AFTPH: variants seen among roughly 807,000 people sequenced by gnomAD.
AFTPH encodes aftiphilin protein.
In AFTPH, 7 loss-of-function variants were observed where a neutral mutation model predicts 72.5. The ratio of observed to expected loss-of-function variants is 0.10; its 90% confidence interval spans 0.05 to 0.18. The LOEUF is 0.18. Ranked by LOEUF, AFTPH falls within the 10% of genes least tolerant of loss-of-function variation. AFTPH has a pLI of 1.00. For missense variants in AFTPH, 979 were observed against 1,060.5 expected, an observed-to-expected ratio of 0.92 and a Z score of 1.07; for synonymous variants, 337 against 370.1, an observed-to-expected ratio of 0.91 and a Z score of 1.03.
In AFTPH at chr2:64,551,501, CTCT is replaced by C; in HGVS notation, c.30_32del (p.Ser12del). 3 of 1,613,818 alleles carry C rather than the reference CTCT, an allele frequency of 1.9e-6. No individual in the cohort carries two copies. The South Asian group carries it at 3.3e-5, about 18-fold the overall frequency. On this transcript the variant is annotated inframe_deletion, in exon 2 of 9. Transcript: ENST00000238856. ...TGGAGCCAGACATCATTCGAATGTACTCTTCATCCCCACCACCATTAGACAATG... is the reference window on the plus strand; with the variant it reads ...TGGAGCCAGACATCATTCGAATGTACTCATCCCCACCACCATTAGACAATG...
chr2:64,588,053 C>A (rs1437643271), intron 8 of AFTPH, among the ~76,000 whole-genome samples: 2 of 152,068 alleles, frequency 1.3e-5, no homozygotes, highest in African/African-American at 4.8e-5. Flanking sequence ...CTATCTAATT[C>A]CAAAACATTT....
intron 4 of AFTPH, 80 bp from the exon 5 acceptor site, chr2:64,569,543 T>C (rs1346500298): frequency 3.0e-5 from 44 of 1,482,476 alleles, no homozygotes; most frequent in Non-Finnish European, 4.0e-5. Flanking sequence ...ATAACACATC[T>C]CAAGCATATT....
intron 1 of AFTPH, among the ~76,000 whole-genome samples, chr2:64,538,901 G>T (rs555248401): frequency 6.6e-6 from 1 of 152,314 alleles, no homozygotes; most frequent in South Asian, 2.1e-4. Flanking sequence ...CTCTCATGGT[G>T]GGTGTTTGTG....
intron 1 of AFTPH, among the ~76,000 whole-genome samples, chr2:64,526,825 A>G (rs1669298906): frequency 6.6e-6 from 1 of 152,206 alleles, no homozygotes; most frequent in Non-Finnish European, 1.5e-5. Context: ...AATGCTTTAT[A>G]TACAGTGTAC....
chr2:64,526,916 A>G (rs2103787846), intron 1 of AFTPH, among the ~76,000 whole-genome samples: 1 of 152,354 alleles, frequency 6.6e-6, no homozygotes, highest in East Asian at 1.9e-4. Flanking sequence ...AGGCACACAG[A>G]TACTAAGTAA....
At chr2:64,578,457 C>T (rs1265217918) in intron 6 of AFTPH, among the ~76,000 whole-genome samples, 2 of 152,066 alleles carry the variant, frequency 1.3e-5, no homozygotes, top group Non-Finnish European at 2.9e-5. Flanking sequence ...AGTGTGAATG[C>T]TTATTTTAAA....
intron 7 of AFTPH, among the ~76,000 whole-genome samples, chr2:64,582,059 C>T (rs976962431): frequency 1.3e-5 from 2 of 152,168 alleles, no homozygotes; most frequent in Non-Finnish European, 2.9e-5. Context: ...TTTATGTTTA[C>T]ATTTTATTCA....
chr2:64,577,643 A>G (rs2104154685), intron 6 of AFTPH, among the ~76,000 whole-genome samples: 1 of 152,376 alleles, frequency 6.6e-6, no homozygotes, highest in Admixed American at 6.5e-5. Flanking sequence ...TGAATCTGCT[A>G]GAATGCTTAG....
chr2:64,550,679 A>ACG lies in AFTPH; in HGVS notation c.-32-763_-32-762insGC, dbSNP rs1230571934. 3.6e-3 allele frequency among the ~76,000 whole-genome samples: 88 copies of ACG among 24,112 alleles called. 1 individual carries two copies. In the East Asian group the frequency reaches 0.044, roughly 12 times the overall value. 15.8% of individuals were successfully genotyped at this position (24,112 alleles called of 152,430 possible). On this transcript the variant is annotated intron_variant, in intron 1 of 8. Coordinates refer to ENST00000238856, the Ensembl canonical transcript of AFTPH. ...AAAATTTTTAGAACTGTACGCATGCACACACACACACACACACACACACAC... is the reference window on the plus strand; with the variant it reads ...AAAATTTTTAGAACTGTACGCATGCACGCACACACACACACACACACACACAC...
chr2:64,583,845 G>A (rs1041702527), intron 7 of AFTPH, among the ~76,000 whole-genome samples: 13 of 151,948 alleles, frequency 8.6e-5, no homozygotes, highest in African/African-American at 2.4e-4. Flanking sequence ...TGTGGAAGTC[G>A]CTTTTGCTTG....
At chr2:64,551,738 T>C (rs779264443) in exon 2 of AFTPH, 6 of 1,613,602 alleles carry the variant, frequency 3.7e-6, no homozygotes, top group Non-Finnish European at 4.2e-6. Context: ...AAAATGGTAA[T>C]GATAAGGACA....
intron 6 of AFTPH, among the ~76,000 whole-genome samples, chr2:64,576,118 C>CACACACACACACACGT (rs1553404165): frequency 7.3e-6 from 1 of 137,036 alleles, no homozygotes; most frequent in South Asian, 2.3e-4. Flanking sequence ...CACACACACA[C>CACACACACACACACGT]GTGTGTCATA....
chr2:64,539,105 A>G (rs1348574315), intron 1 of AFTPH, among the ~76,000 whole-genome samples: 1 of 152,198 alleles, frequency 6.6e-6, no homozygotes, highest in Non-Finnish European at 1.5e-5. Flanking sequence ...CTAATTTAAA[A>G]CTTTACAGCA....
rs34951706 is a variant in AFTPH, at chr2:64,549,308, CTTTTTTTTTTTTTTTT to C, written c.-32-2120_-32-2105del. 1.6e-3 allele frequency among the ~76,000 whole-genome samples: 87 copies of C among 56,036 alleles called. 2 individuals carry two copies. The South Asian group carries it at 0.051, about 33-fold the overall frequency. 36.8% of individuals were successfully genotyped at this position (56,036 alleles called of 152,430 possible). A position where few individuals can be genotyped will look rare whatever the true frequency, so the allele number is the denominator to read the frequency against. ...CTAGGACTTTGGCTGTTAGTCCTCC[CTTTTTTTTTTTTTTTT>C]TTTTTTTTTTTTTTGAAACCGAGTC... On this transcript the variant is annotated intron_variant, in intron 1 of 8. Coordinates refer to ENST00000238856, the Ensembl canonical transcript of AFTPH.
intron 6 of AFTPH, among the ~76,000 whole-genome samples, chr2:64,576,140 CGTGTGTGT>C (rs35888182): frequency 1.5e-5 from 2 of 134,766 alleles, no homozygotes; most frequent in Non-Finnish European, 3.1e-5. Context: ...AAATGAAATA[CGTGTGTGT>C]GTGTGTGTAT....
chr2:64,552,512 C>T lies in AFTPH; in HGVS notation c.1038C>T (p.Ala346=), dbSNP rs139586513. ...TAGACTCAGCTGATAATTCAGAAGC[C>T]ATTAGGAGAGAACAATGTAAAACTG... Residue 346 remains alanine (A), a synonymous_variant, in exon 2 of 9, where the codon GCC becomes GCT. Transcript: ENST00000238856. 6.8e-6 allele frequency: 11 copies of T among 1,614,094 alleles called. 1 individual carries two copies. The South Asian group carries it at 1.1e-4, about 16-fold the overall frequency.
chr2:64,565,474 C>CAAAA (rs11447048), intron 2 of AFTPH, among the ~76,000 whole-genome samples: 127 of 88,092 alleles, frequency 1.4e-3, no homozygotes, highest in African/African-American at 3.6e-3. Flanking sequence ...GACTCTATCT[C>CAAAA]AAAAAAAAAA....
exon 2 of AFTPH, chr2:64,552,389 G>A (rs1307686217): frequency 2.5e-6 from 4 of 1,613,952 alleles, no homozygotes; most frequent in African/African-American, 2.7e-5. Context: ...TAAGCATAGT[G>A]ACTAACAGAG....
intron 6 of AFTPH, among the ~76,000 whole-genome samples, chr2:64,577,649 C>G (rs1672906281): frequency 6.6e-6 from 1 of 152,128 alleles, no homozygotes; most frequent in Non-Finnish European, 1.5e-5. Context: ...TGCTAGAATG[C>G]TTAGAGATGT....
Sources: gnomAD v4.1 joint callset for allele counts (sites outside exome capture counted in the v4.1 genomes callset) on GRCh38, gnomAD v4.1.1 for gene constraint, MANE v1.5 for transcripts, NCBI Gene and HGNC (gene_info 2026-07-23, HGNC 2026-07-21) for gene names.